Variants in SNX29 observed in about 807,000 individuals in gnomAD.
The protein encoded by SNX29 is sorting nexin-29.
A neutral mutation model predicts 102.1 loss-of-function variants in SNX29; 78 were observed. That is an observed-to-expected ratio of 0.76 (90% confidence interval 0.64 to 0.92). The LOEUF (loss-of-function observed/expected upper bound fraction) is 0.92, where lower values mean the gene tolerates loss of function less well. Ranked by LOEUF, SNX29 falls within the 40% of genes least tolerant of loss-of-function variation. SNX29 has a pLI of 0.00. For missense variants in SNX29, 1,280 were observed against 1,061.7 expected, an observed-to-expected ratio of 1.21 and a Z score of -2.86; for synonymous variants, 580 against 414.5, an observed-to-expected ratio of 1.40 and a Z score of -4.85.
At position 12,554,341 on chromosome 16, in the gene SNX29, C is replaced by T. The variant is rs116718689; in HGVS notation, c.2319-14165C>T. Among the ~76,000 whole-genome samples, 94 of 151,278 alleles carry T rather than the reference C, an allele frequency of 6.2e-4. 6 individuals carry two copies. The highest frequency in any genetic ancestry group is 1.3e-4 in the Admixed American group (2 of 15,192). On this transcript the variant is annotated intron_variant, in intron 20 of 20. Transcript: ENST00000566228. ...AAAATGGGACCAGATGTCTTTTGTT[C>T]TGTAGCTTTTCCCTTACCTGTGTCT...
intron 16 of SNX29, among the ~76,000 whole-genome samples, chr16:12,390,420 C>G (rs2083488255): frequency 1.3e-5 from 2 of 152,166 alleles, no homozygotes; most frequent in South Asian, 2.1e-4. Context: ...ACAGCCTTAA[C>G]TGTCTAATGA....
At chr16:12,295,357 A>G (rs749808644) in intron 15 of SNX29, among the ~76,000 whole-genome samples, 1 of 152,208 alleles carries the variant, frequency 6.6e-6, no homozygotes, top group Non-Finnish European at 1.5e-5. Flanking sequence ...ATTCCTGAAC[A>G]TTCCTTCTCT....
intron 3 of SNX29, among the ~76,000 whole-genome samples, chr16:12,012,528 C>A (rs2056688721): frequency 6.6e-6 from 1 of 152,116 alleles, no homozygotes; most frequent in Non-Finnish European, 1.5e-5. Flanking sequence ...CCTGCCTCAG[C>A]CTCCCGAGTA....
chr16:12,305,321 G>A (rs1024439088), intron 15 of SNX29, among the ~76,000 whole-genome samples: 10 of 152,332 alleles, frequency 6.6e-5, no homozygotes, highest in South Asian at 2.1e-4. Flanking sequence ...CCCCGGCCAC[G>A]GAGTGGTATC....
chr16:12,546,742 A>C (rs1325003085), intron 20 of SNX29: 1 of 151,136 alleles, frequency 6.6e-6, no homozygotes, highest in African/African-American at 2.4e-5. Context: ...AAGATAGGAG[A>C]AAATTAGACA....
chr16:12,365,326 T>TTGTGTGTGTG lies in SNX29; in HGVS notation c.1899+9077_1899+9086dup, dbSNP rs58869867. On this transcript the variant is annotated intron_variant, in intron 16 of 20. Transcript: ENST00000566228. ...TCCTTCTCACTTCATACATCAGGAT[T>TTGTGTGTGTG]TGTGTGTGTGTGTGTGTGTGTGTGT... Among the ~76,000 whole-genome samples the TTGTGTGTGTG allele has an allele frequency of 6.2e-3, 873 of 139,838 alleles. 7 individuals are homozygous for TTGTGTGTGTG. Among genetic ancestry groups the TTGTGTGTGTG allele is most frequent in the African/African-American group, 0.016 (590 of 36,956 alleles). 91.7% of individuals were successfully genotyped at this position (139,838 alleles called of 152,430 possible).
intron 20 of SNX29, chr16:12,560,647 C>G (rs3829530): frequency 0.18 from 28,394 of 154,512 alleles, 2,915 homozygotes; most frequent in East Asian, 0.43. Flanking sequence ...GTGCCACCAC[C>G]TAACTAGCAT....
At chr16:12,565,154 TTACA>T (rs1334131385) in intron 20 of SNX29, among the ~76,000 whole-genome samples, 1 of 152,136 alleles carries the variant, frequency 6.6e-6, no homozygotes, top group Non-Finnish European at 1.5e-5. Flanking sequence ...CTTTGCCAGT[TTACA>T]TACTCCCAGT....
intron 14 of SNX29, among the ~76,000 whole-genome samples, chr16:12,246,604 G>A (rs1362354520): frequency 6.6e-6 from 1 of 152,110 alleles, no homozygotes; most frequent in Non-Finnish European, 1.5e-5. Context: ...CGTGCCACTG[G>A]GTGACAGAGC....
At chr16:11,998,376 C>G (rs1489871737) in intron 1 of SNX29, among the ~76,000 whole-genome samples, 2 of 152,174 alleles carry the variant, frequency 1.3e-5, no homozygotes, top group Non-Finnish European at 2.9e-5. Context: ...TTGCCCCAGA[C>G]CTTCCTAAAT....
chr16:12,149,005 C>T (rs559687400), intron 13 of SNX29, among the ~76,000 whole-genome samples: 1 of 152,240 alleles, frequency 6.6e-6, no homozygotes, highest in African/African-American at 2.4e-5. Flanking sequence ...CCCGGCCTGC[C>T]TTCGTCTCAT....
At chr16:12,567,620 G>A (rs4781263) in intron 20 of SNX29, among the ~76,000 whole-genome samples, 86,565 of 151,866 alleles carry the variant, frequency 0.57, 25,015 homozygotes, top group Middle Eastern at 0.68. Context: ...ATTACACTCA[G>A]GTATGGTGGC....
chr16:12,547,723 C>G (rs146128407), intron 20 of SNX29, among the ~76,000 whole-genome samples: 1 of 152,250 alleles, frequency 6.6e-6, no homozygotes, highest in East Asian at 1.9e-4. Context: ...AGCATGGCAC[C>G]CATCACTGCC....
At chr16:12,089,087 AAAAG>A (rs151321959) in intron 11 of SNX29, among the ~76,000 whole-genome samples, 9,708 of 151,584 alleles carry the variant, frequency 0.064, 403 homozygotes, top group East Asian at 0.23. Flanking sequence ...CTTTGTCTCA[AAAAG>A]AAAGAAAGAA....
intron 14 of SNX29, among the ~76,000 whole-genome samples, chr16:12,212,164 G>C (rs1265643345): frequency 1.3e-5 from 2 of 152,182 alleles, no homozygotes; most frequent in Non-Finnish European, 2.9e-5. Context: ...GCCTCTGTGT[G>C]ACTGGCTAGC....
chr16:12,059,263 G>A lies in SNX29; in HGVS notation c.1125-2265G>A, dbSNP rs73515670. On this transcript the variant is annotated intron_variant, in intron 8 of 20. Transcript: ENST00000566228. ...TGGAGTGGCCTAGAAAGGACTGTCT[G>A]CTTTTGCTGCCTTCTCCTGAAAGGG... 6.1e-3 allele frequency among the ~76,000 whole-genome samples: 923 copies of A among 152,304 alleles called. 8 individuals are homozygous for A. Among genetic ancestry groups the A allele is most frequent in the African/African-American group, 0.021 (876 of 41,576 alleles).
intron 20 of SNX29, among the ~76,000 whole-genome samples, chr16:12,536,995 A>G (rs11647765): frequency 3.4e-5 from 4 of 117,218 alleles, no homozygotes; most frequent in Admixed American, 8.2e-5. Context: ...AATAAAATAA[A>G]AAGAGTTGTT....
chr16:11,992,879 G>A (rs1370180333), intron 1 of SNX29, among the ~76,000 whole-genome samples: 1 of 152,138 alleles, frequency 6.6e-6, no homozygotes, highest in African/African-American at 2.4e-5. Flanking sequence ...AATATCTGCA[G>A]GGCTGGGCGT....
At chr16:12,379,201 G>C (rs1162945292) in intron 16 of SNX29, among the ~76,000 whole-genome samples, 2 of 152,170 alleles carry the variant, frequency 1.3e-5, no homozygotes, top group East Asian at 3.8e-4. Context: ...CAGGGGTGTA[G>C]TGGTGAGTCC....
Sources: gnomAD v4.1 joint callset for allele counts (sites outside exome capture counted in the v4.1 genomes callset) on GRCh38, gnomAD v4.1.1 for gene constraint, MANE v1.5 for transcripts, NCBI Gene and HGNC (gene_info 2026-07-23, HGNC 2026-07-21) for gene names.